MYO16: variants seen among roughly 807,000 people sequenced by gnomAD.
The protein encoded by MYO16 is unconventional myosin-XVI.
A neutral mutation model predicts 205.3 loss-of-function variants in MYO16; 94 were observed. The observed-to-expected ratio is 0.46, with a 90% CI of 0.39 to 0.54. MYO16 has a LOEUF of 0.54. MYO16 is among the 20% of genes least tolerant of loss of function. The pLI is 0.00. For synonymous variants in MYO16, 988 were observed against 954.0 expected, an observed-to-expected ratio of 1.04 and a Z score of -0.66; for missense variants, 2,315 against 2,387.5, an observed-to-expected ratio of 0.97 and a Z score of 0.63.
chr13:108,749,870 C>T (rs547592957), intron 4 of MYO16, among the ~76,000 whole-genome samples: 182 of 152,316 alleles, frequency 1.2e-3, no homozygotes, highest in African/African-American at 4.1e-3. Context: ...AACTTGGAAG[C>T]AGCCAAGATG....
At chr13:108,678,687 A>G (rs954685256) in intron 2 of MYO16, among the ~76,000 whole-genome samples, 1 of 152,040 alleles carries the variant, frequency 6.6e-6, no homozygotes, top group Non-Finnish European at 1.5e-5. Context: ...TGTTTTCTTC[A>G]GTTGACTTTC....
intron 23 of MYO16, among the ~76,000 whole-genome samples, chr13:109,020,915 T>C (rs1410181509): frequency 1.3e-5 from 2 of 152,172 alleles, no homozygotes; most frequent in Non-Finnish European, 1.5e-5. Flanking sequence ...ATATCTCAGC[T>C]TCGAATAGGG....
chr13:108,560,703 A>G, the MYO16 span, among the ~76,000 whole-genome samples: 1 of 152,180 alleles, frequency 6.6e-6, no homozygotes, highest in Admixed American at 6.5e-5. Context: ...GCTTAGGGAA[A>G]TGACTTTTTA....
intron 10 of MYO16, among the ~76,000 whole-genome samples, chr13:108,845,106 G>T (rs182378032): frequency 1.3e-5 from 2 of 152,068 alleles, no homozygotes; most frequent in East Asian, 3.9e-4. Flanking sequence ...TTTATAAGTG[G>T]CAGAATAACT....
the MYO16 span, among the ~76,000 whole-genome samples, chr13:108,545,875 C>A: frequency 2.6e-5 from 4 of 152,298 alleles, no homozygotes; most frequent in African/African-American, 9.6e-5. Flanking sequence ...CTTGGACAAC[C>A]TCTCCTGTCT....
intron 6 of MYO16, among the ~76,000 whole-genome samples, chr13:108,803,636 C>G (rs1421676730): frequency 6.6e-6 from 1 of 152,254 alleles, no homozygotes; most frequent in East Asian, 1.9e-4. Context: ...TGTTAGGGTG[C>G]AGTTTTACAG....
chr13:108,574,704 TGTGTGC>T, the MYO16 span, among the ~76,000 whole-genome samples: 709 of 83,994 alleles, frequency 8.4e-3, 2 homozygotes, highest in Middle Eastern at 0.028. Flanking sequence ...TGTGTGTGTG[TGTGTGC>T]GCTTGTGTGT....
intron 27 of MYO16, among the ~76,000 whole-genome samples, chr13:109,068,528 A>G (rs894433117): frequency 2.0e-5 from 3 of 151,852 alleles, no homozygotes; most frequent in South Asian, 2.1e-4. Context: ...TCTTTCTCTC[A>G]TCTTCATGAG....
intron 4 of MYO16, among the ~76,000 whole-genome samples, chr13:108,784,873 AG>A (rs1886410827): frequency 6.6e-6 from 1 of 152,264 alleles, no homozygotes; most frequent in East Asian, 1.9e-4. Flanking sequence ...GGAGCTCATT[AG>A]GGAATGTGGG....
At chr13:108,966,883 C>T (rs575114040) in intron 20 of MYO16, among the ~76,000 whole-genome samples, 2 of 152,026 alleles carry the variant, frequency 1.3e-5, no homozygotes, top group East Asian at 3.9e-4. Context: ...ATTTGGATAA[C>T]CTTAGAATAG....
chr13:108,984,991 A>G (rs1884578428), intron 20 of MYO16, among the ~76,000 whole-genome samples: 1 of 152,202 alleles, frequency 6.6e-6, no homozygotes, highest in African/African-American at 2.4e-5. Flanking sequence ...ACTGACATTA[A>G]TATTTCCTTG....
At chr13:108,553,438 ACTTCCTTGAC>A in the MYO16 span, among the ~76,000 whole-genome samples, 1 of 152,120 alleles carries the variant, frequency 6.6e-6, no homozygotes, top group African/African-American at 2.4e-5. Context: ...TCCCTGGGAA[ACTTCCTTGAC>A]CCTACCAGTC....
intron 11 of MYO16, among the ~76,000 whole-genome samples, chr13:108,857,378 A>G (rs189880): frequency 0.14 from 21,531 of 152,166 alleles, 1,687 homozygotes; most frequent in East Asian, 0.28. Context: ...GCAAAACTGA[A>G]AAGATGGTAC....
At chr13:108,855,710 T>A (rs1360914679) in intron 11 of MYO16, among the ~76,000 whole-genome samples, 157 bp downstream of exon 11, 2 of 152,244 alleles carry the variant, frequency 1.3e-5, no homozygotes, top group Non-Finnish European at 2.9e-5. Context: ...TTAGCTTCAT[T>A]CTGGCTCAGT....
At chr13:109,191,584 C>T (rs7992859) in intron 34 of MYO16, among the ~76,000 whole-genome samples, 47,586 of 151,796 alleles carry the variant, frequency 0.31, 8,109 homozygotes, top group African/African-American at 0.43. Context: ...CCAGTGCTGA[C>T]GTCAGGGCAG....
intron 17 of MYO16, among the ~76,000 whole-genome samples, chr13:108,958,925 A>G (rs1883480489): frequency 6.6e-6 from 1 of 152,198 alleles, no homozygotes; most frequent in African/African-American, 2.4e-5. Context: ...ACAAGCCCAG[A>G]TTAGGTCACA....
chr13:108,975,764 GA>G (rs1384703543), intron 20 of MYO16, among the ~76,000 whole-genome samples: 12 of 152,110 alleles, frequency 7.9e-5, no homozygotes, highest in Non-Finnish European at 1.3e-4. Context: ...AAAGCAGCAT[GA>G]TTTTTTAGAA....
At chr13:108,983,634 C>T (rs1206332207) in intron 20 of MYO16, among the ~76,000 whole-genome samples, 1 of 152,138 alleles carries the variant, frequency 6.6e-6, no homozygotes, top group Non-Finnish European at 1.5e-5. Context: ...TTTCTGTGAG[C>T]GGAAGCAGGC....
chr13:109,125,431 C>T lies in MYO16; in HGVS notation c.3782+73C>T. On this transcript the variant is annotated intron_variant, in intron 30 of 34. Transcript: ENST00000457511. The surrounding 1 kb of genome is among the most constrained non-coding windows in gnomAD (Gnocchi z 4.0). ...GTGGAGTCATGAAAATTCAAATAGC[C>T]CTTAATGCAGAGTTCAATCAAATAT... 6.4e-7 allele frequency: 1 copy of T among 1,566,758 alleles called. No individual in the cohort carries two copies. Among genetic ancestry groups the T allele is most frequent in the East Asian group, 2.3e-5 (1 of 44,144 alleles).
Sources: gnomAD v4.1 joint callset for allele counts (sites outside exome capture counted in the v4.1 genomes callset) on GRCh38, gnomAD v4.1.1 for gene constraint, Gnocchi (gnomAD v3.1) non-coding constraint, MANE v1.5 for transcripts, NCBI Gene and HGNC (gene_info 2026-07-23, HGNC 2026-07-21) for gene names.